ELL2: variants seen among roughly 807,000 people sequenced by gnomAD.
ELL2 encodes the protein elongation factor for RNA polymerase II 2, also known as RNA polymerase II elongation factor ELL2.
ELL2 carries 21 observed loss-of-function variants against 72.8 expected under a neutral mutation model. The observed-to-expected ratio is 0.29, with a 90% CI of 0.20 to 0.42. The LOEUF is 0.42. Ranked by LOEUF, ELL2 falls within the 10% of genes least tolerant of loss-of-function variation. The probability of loss-of-function intolerance (pLI) is 1.00; values close to 1 mark genes in which losing one functional copy is unlikely to be tolerated. For synonymous variants in ELL2, 266 were observed against 283.2 expected (o/e 0.94, Z 0.61); for missense variants, 568 against 772.8 (o/e 0.73, Z 3.14).
intron 9 of ELL2, among the ~76,000 whole-genome samples, chr5:95,893,389 T>A (rs1448497148): frequency 6.6e-6 from 1 of 152,212 alleles, no homozygotes; most frequent in Non-Finnish European, 1.5e-5. Flanking sequence ...ATTTAGGTTT[T>A]TTATTATTTT....
At chr5:95,918,926 G>T (rs1198338314) in intron 3 of ELL2, among the ~76,000 whole-genome samples, 1 of 146,776 alleles carries the variant, frequency 6.8e-6, no homozygotes, top group Non-Finnish European at 1.5e-5. Flanking sequence ...CTGCTTTACT[G>T]GGTTAATTTC....
intron 10 of ELL2, among the ~76,000 whole-genome samples, chr5:95,890,324 T>TTG (rs1194225798): frequency 6.6e-6 from 1 of 152,182 alleles, no homozygotes; most frequent in Non-Finnish European, 1.5e-5. Flanking sequence ...CTGTTTACTG[T>TTG]TGTGGGAAAA....
chr5:95,922,353 C>T (rs1471620587), intron 2 of ELL2, among the ~76,000 whole-genome samples: 5 of 152,228 alleles, frequency 3.3e-5, no homozygotes, highest in South Asian at 2.1e-4. Flanking sequence ...TGAGCCACTG[C>T]GCCCAGCCTA....
chr5:95,905,003 G>A (rs561895951), intron 5 of ELL2, among the ~76,000 whole-genome samples: 13 of 152,124 alleles, frequency 8.5e-5, no homozygotes, highest in Admixed American at 6.5e-4. Context: ...GTTTCAGCTC[G>A]TATATTAGAA....
At chr5:95,960,900 GT>G (rs2112367850) in intron 1 of ELL2, among the ~76,000 whole-genome samples, 1 of 151,168 alleles carries the variant, frequency 6.6e-6, no homozygotes, top group African/African-American at 2.4e-5. Flanking sequence ...AAGCGCCAGT[GT>G]CCCCGCCGTT....
rs192078115 is a variant in ELL2, at chr5:95,944,260, A to C, written c.148-1211T>G. ...ACCACCTGAATGTAAAATCAAGTGT[A>C]ACATTAGCTATCTTATTATTATTGA... On this transcript the variant is annotated intron_variant, in intron 1 of 11. Coordinates refer to ENST00000237853, the MANE Select transcript of ELL2 (RefSeq NM_012081.6). 3.0e-3 allele frequency among the ~76,000 whole-genome samples: 453 copies of C among 152,344 alleles called. 4 individuals carry two copies. The highest frequency in any genetic ancestry group is 9.9e-4 in the Non-Finnish European group (67 of 68,020).
At chr5:95,924,042 G>C (rs575075637) in intron 2 of ELL2, among the ~76,000 whole-genome samples, 1 of 152,280 alleles carries the variant, frequency 6.6e-6, no homozygotes, top group East Asian at 1.9e-4. Flanking sequence ...AGGTTGGTGA[G>C]AGGGAAGCTT....
rs1221989720 is a variant in ELL2 at position 95,927,778 on chromosome 5, T to C, written c.196-8233A>G. ...GTATATAGACATACACACACACATA[T>C]GTGTGTATATAGACATACACACACA... On this transcript the variant is annotated intron_variant, in intron 2 of 11. Transcript: ENST00000237853. Among the ~76,000 whole-genome samples, 8 of 99,110 alleles carry C rather than the reference T, an allele frequency of 8.1e-5. 2 individuals are homozygous for C. Among genetic ancestry groups the C allele is most frequent in the Admixed American group, 2.6e-4 (3 of 11,492 alleles). The allele number at this position is 99,110 out of a possible 152,430, so 65.0% of individuals were successfully genotyped here.
At position 95,927,444 on chromosome 5, in the gene ELL2, T is replaced by TAG. The variant is rs1306910198; in HGVS notation, c.196-7901_196-7900dup. ...AGACATACACACACACGTGTGTATA[T>TAG]AGACATACACACACACGTGTGTATA... On this transcript the variant is annotated intron_variant, in intron 2 of 11. Coordinates refer to ENST00000237853, the MANE Select transcript of ELL2 (RefSeq NM_012081.6). Among the ~76,000 whole-genome samples, 18 of 53,336 alleles carry TAG rather than the reference T, an allele frequency of 3.4e-4. 3 individuals carry two copies. Among genetic ancestry groups the TAG allele is most frequent in the Admixed American group, 1.5e-3 (10 of 6,730 alleles). 35.0% of individuals were successfully genotyped at this position (53,336 alleles called of 152,430 possible).
intron 8 of ELL2, among the ~76,000 whole-genome samples, chr5:95,897,654 G>GA (rs1212998886): frequency 2.0e-5 from 3 of 152,252 alleles, no homozygotes; most frequent in East Asian, 1.9e-4. Flanking sequence ...AAAATTGGGG[G>GA]AAAAACCCCT....
At chr5:95,924,384 T>C (rs1365437139) in intron 2 of ELL2, among the ~76,000 whole-genome samples, 9 of 152,320 alleles carry the variant, frequency 5.9e-5, no homozygotes, top group Non-Finnish European at 1.0e-4. Flanking sequence ...CCACAGGAAA[T>C]AAGTTTTGAG....
chr5:95,956,919 C>A (rs1219294859), intron 1 of ELL2, among the ~76,000 whole-genome samples: 1 of 152,178 alleles, frequency 6.6e-6, no homozygotes, highest in African/African-American at 2.4e-5. Flanking sequence ...CTAGAAGACA[C>A]TAACAAAGGC....
intron 1 of ELL2, among the ~76,000 whole-genome samples, chr5:95,952,996 C>T (rs1751476039): frequency 1.3e-5 from 2 of 152,188 alleles, no homozygotes; most frequent in Admixed American, 1.3e-4. Context: ...TGGAATACCA[C>T]TGAGGTCTGG....
At chr5:95,955,301 G>T (rs931453834) in intron 1 of ELL2, among the ~76,000 whole-genome samples, 2 of 152,170 alleles carry the variant, frequency 1.3e-5, no homozygotes, top group Non-Finnish European at 2.9e-5. Context: ...CCTTTCTGTA[G>T]AGGTCAATTC....
chr5:95,934,746 T>C (rs1750716057), intron 2 of ELL2, among the ~76,000 whole-genome samples: 1 of 152,238 alleles, frequency 6.6e-6, no homozygotes, highest in South Asian at 2.1e-4. Flanking sequence ...ACTTGTTTTT[T>C]TAAACCTTTA....
At position 95,888,317 on chromosome 5, in the gene ELL2, G is replaced by A. The variant is rs2112260844; in HGVS notation, c.*554C>T. ...TCAGCCTGTATATACATATGTGTATGTGAATCTATACACATACACCTTTCT... is the reference window on the plus strand; with the variant it reads ...TCAGCCTGTATATACATATGTGTATATGAATCTATACACATACACCTTTCT... On this transcript the variant is annotated 3_prime_UTR_variant, in exon 12 of 12. Coordinates refer to ENST00000237853, the MANE Select transcript of ELL2 (RefSeq NM_012081.6). The A allele has an allele frequency of 6.5e-6, 1 of 152,806 alleles. No homozygotes were observed. Among genetic ancestry groups the A allele is most frequent in the Non-Finnish European group, 1.5e-5 (1 of 68,088 alleles). 9.5% of individuals were successfully genotyped at this position (152,806 alleles called of 1,614,324 possible). A position where few individuals can be genotyped will look rare whatever the true frequency, so the allele number is the denominator to read the frequency against.
intron 5 of ELL2, among the ~76,000 whole-genome samples, chr5:95,905,289 A>G (rs1170607954): frequency 6.6e-6 from 1 of 152,138 alleles, no homozygotes; most frequent in Non-Finnish European, 1.5e-5. Context: ...CTATATGTAT[A>G]TACACAATCA....
intron 1 of ELL2, among the ~76,000 whole-genome samples, chr5:95,946,489 C>T (rs916979145): frequency 5.9e-5 from 9 of 152,206 alleles, no homozygotes; most frequent in Non-Finnish European, 1.0e-4. Context: ...TTTTTCCCTT[C>T]CTTGAAGTCC....
chr5:95,906,443 T>A (rs1334920480), intron 5 of ELL2, 80 bp downstream of exon 5: 1 of 1,439,468 alleles, frequency 6.9e-7, no homozygotes, highest in African/African-American at 1.4e-5. Context: ...ATAATAATGA[T>A]AATAATGACA....
Sources: gnomAD v4.1 joint callset for allele counts (sites outside exome capture counted in the v4.1 genomes callset) on GRCh38, gnomAD v4.1.1 for gene constraint, MANE v1.5 for transcripts, NCBI Gene and HGNC (gene_info 2026-07-23, HGNC 2026-07-21) for gene names.